Variants in ZRANB1 observed in about 807,000 individuals in gnomAD.
ZRANB1 encodes the protein zinc finger RANBP2-type containing 1, also known as ubiquitin thioesterase ZRANB1.
A neutral mutation model predicts 80.5 loss-of-function variants in ZRANB1; 16 were observed. That is an observed-to-expected ratio of 0.20 (90% CI 0.13 to 0.30). The LOEUF (loss-of-function observed/expected upper bound fraction) is 0.30. ZRANB1 is among the 10% of genes least tolerant of loss of function. The pLI is 1.00. For synonymous variants in ZRANB1, 291 were observed against 293.1 expected (o/e 0.99, Z 0.07); for missense variants, 576 against 862.6 (o/e 0.67, Z 4.16).
rs538883646 is a variant in ZRANB1 at position 124,970,642 on chromosome 10, G to C, written c.1003-1323G>C. Among the ~76,000 whole-genome samples the C allele has an allele frequency of 1.1e-4, 17 of 152,220 alleles. No individual in the cohort carries two copies. In the South Asian group the frequency reaches 3.1e-3, roughly 28 times the overall value. On this transcript the variant is annotated intron_variant, in intron 2 of 8. Coordinates refer to ENST00000359653, the MANE Select transcript of ZRANB1 (RefSeq NM_017580.3). The stretch of plus-strand genomic sequence containing the variant: ...TATTATTTCTTTAATAGCAATAGCA[G>C]TTAGTTGTCTGCATATATGATGTAG...
the ZRANB1 span, among the ~76,000 whole-genome samples, chr10:124,935,789 TC>T: frequency 6.6e-6 from 1 of 152,234 alleles, no homozygotes; most frequent in African/African-American, 2.4e-5. Context: ...AAGGTGCTGG[TC>T]TACCTTCCGT....
At chr10:124,950,018 G>A (rs1045501245) in intron 1 of ZRANB1, among the ~76,000 whole-genome samples, 14 of 152,126 alleles carry the variant, frequency 9.2e-5, no homozygotes, top group African/African-American at 3.4e-4. Context: ...GCATCATGAG[G>A]ATTATAATTC....
the ZRANB1 span, among the ~76,000 whole-genome samples, chr10:124,917,683 C>T: frequency 2.0e-5 from 3 of 152,228 alleles, no homozygotes; most frequent in African/African-American, 7.2e-5. Flanking sequence ...GTTCTGGTGT[C>T]TCCAAACTTG....
At chr10:124,979,080 G>A (rs888465384) in intron 5 of ZRANB1, among the ~76,000 whole-genome samples, 3 of 152,048 alleles carry the variant, frequency 2.0e-5, no homozygotes, top group African/African-American at 7.2e-5. Context: ...GCACATAAAT[G>A]GCCATAACCA....
intron 1 of ZRANB1, among the ~76,000 whole-genome samples, chr10:124,953,233 A>C (rs917720677): frequency 6.6e-6 from 1 of 151,972 alleles, no homozygotes; most frequent in African/African-American, 2.4e-5. Context: ...GCCAACAAAT[A>C]ATACCTTAAT....
At chr10:124,967,653 G>GGCAGAAGGGTAGCCATAGAAGGGTAC (rs1423575967) in intron 2 of ZRANB1, among the ~76,000 whole-genome samples, 1 of 152,126 alleles carries the variant, frequency 6.6e-6, no homozygotes, top group African/African-American at 2.4e-5. Flanking sequence ...CTGCCAGAAG[G>GGCAGAAGGGTAGCCATAGAAGGGTAC]GCAGAAGGGT....
the ZRANB1 span, among the ~76,000 whole-genome samples, chr10:124,929,906 T>C: frequency 1.1e-4 from 16 of 139,360 alleles, no homozygotes; most frequent in African/African-American, 4.4e-4. Flanking sequence ...AGATCTGCCA[T>C]CGCACTCCAG....
At chr10:124,955,467 C>G (rs971583674) in intron 1 of ZRANB1, among the ~76,000 whole-genome samples, 1 of 151,998 alleles carries the variant, frequency 6.6e-6, no homozygotes, top group African/African-American at 2.4e-5. Context: ...GGCCTGCATC[C>G]GTAAAAGGAA....
Position 124,983,121 on chromosome 10 carries a change from C to CA in ZRANB1, c.1549-53dup, listed in dbSNP as rs2133999888. On this transcript the variant is annotated intron_variant, in intron 6 of 8. Coordinates refer to ENST00000359653, the MANE Select transcript of ZRANB1 (RefSeq NM_017580.3). This position sits in a 1 kb window ranked among gnomAD's most constrained non-coding sequence, Gnocchi z 6.2. Reference sequence around the variant, plus strand: ...GGAGGTAGTATTGTTTTTTACACATCAGTTTTCCAGGAGTGGTAATAAATG... The same window carrying CA: ...GGAGGTAGTATTGTTTTTTACACATCAAGTTTTCCAGGAGTGGTAATAAATG... 2 of 1,558,316 alleles carry CA rather than the reference C, an allele frequency of 1.3e-6. No homozygotes were observed. Among genetic ancestry groups the CA allele is most frequent in the South Asian group, 1.2e-5 (1 of 82,354 alleles).
At chr10:124,971,238 C>A (rs1951822856) in intron 2 of ZRANB1, among the ~76,000 whole-genome samples, 1 of 152,164 alleles carries the variant, frequency 6.6e-6, no homozygotes, top group African/African-American at 2.4e-5. Flanking sequence ...TAAATTAAAT[C>A]TTTGCAACAT....
intron 5 of ZRANB1, among the ~76,000 whole-genome samples, chr10:124,978,793 A>ATT (rs35714295): frequency 1.8e-4 from 21 of 115,438 alleles, no homozygotes; most frequent in African/African-American, 6.1e-4. Context: ...TTCCCAGCTA[A>ATT]TTTTTTTTTT....
chr10:124,953,805 A>G (rs1282071650), intron 1 of ZRANB1, among the ~76,000 whole-genome samples: 16 of 152,166 alleles, frequency 1.1e-4, no homozygotes. Flanking sequence ...TTTTGAGATC[A>G]ACATCTGTGA....
At chr10:124,970,852 T>TTTG (rs1429385555) in intron 2 of ZRANB1, among the ~76,000 whole-genome samples, 3 of 147,770 alleles carry the variant, frequency 2.0e-5, no homozygotes, top group Non-Finnish European at 4.5e-5. Flanking sequence ...TTTTTTTTTT[T>TTTG]TTTTTGGCAG....
At chr10:124,953,897 A>G (rs1159273987) in intron 1 of ZRANB1, among the ~76,000 whole-genome samples, 1 of 150,722 alleles carries the variant, frequency 6.6e-6, no homozygotes, top group Non-Finnish European at 1.5e-5. Flanking sequence ...TTGTATGCTG[A>G]TGCCAAACTA....
rs757712727 is a variant in ZRANB1 at position 124,983,598 on chromosome 10, C to T, written c.1818C>T (p.Leu606=). 3.1e-6 allele frequency: 5 copies of T among 1,613,982 alleles called. No homozygotes were observed. The East Asian group carries it at 6.7e-5, about 22-fold the overall frequency. ...GCAACCGAGGTGCTGGTGCTAATCTCAATACCGATGATGATGTCACCATCA... is the reference window on the plus strand; with the variant it reads ...GCAACCGAGGTGCTGGTGCTAATCTTAATACCGATGATGATGTCACCATCA... ...GYGNRGAGAN[L]NTDDDVTITF... The change falls in exon 8 of 9, where the codon CTC becomes CTT. Residue 606 remains leucine, a synonymous_variant. Coordinates refer to ENST00000359653, the MANE Select transcript of ZRANB1 (RefSeq NM_017580.3). The surrounding 1 kb of genome is among the most constrained non-coding windows in gnomAD (Gnocchi z 6.2).
rs567970870 is a variant in ZRANB1 at position 124,942,576 on chromosome 10, G to A, written c.83G>A (p.Arg28His). ...WPSAIKCTMC[R>H]AQRPSGTIIT... Reference sequence around the variant, plus strand: ...TCTGCAATCAAGTGTACTATGTGTCGTGCCCAAAGACCTAGTGGAACAATT... The same window carrying A: ...TCTGCAATCAAGTGTACTATGTGTCATGCCCAAAGACCTAGTGGAACAATT... The change falls in exon 1 of 9, where the codon CGT (arginine) becomes CAT (histidine). Residue 28 changes from arginine (R) to histidine (H), a missense_variant. Physicochemically the swap from Arg to His is conservative, Grantham distance 29. Around this residue, in one of 3 missense-constraint regions of ZRANB1, gnomAD observed 411 missense variants for 583.1 expected, o/e 0.70. Transcript: ENST00000359653. The A allele has an allele frequency of 6.2e-6, 10 of 1,614,124 alleles. No homozygotes were observed. The highest frequency in any genetic ancestry group is 2.2e-5 in the East Asian group (1 of 44,878).
At chr10:124,962,461 C>A in intron 1 of ZRANB1, 1 of 931,298 alleles carries the variant, frequency 1.1e-6, no homozygotes, top group Non-Finnish European at 1.3e-6. Context: ...AGTTAATAAC[C>A]ATTATAATTT....
At chr10:124,928,744 A>G in the ZRANB1 span, among the ~76,000 whole-genome samples, 1 of 152,248 alleles carries the variant, frequency 6.6e-6, no homozygotes, top group East Asian at 1.9e-4. Context: ...AAATGAAGAA[A>G]GAAATGTCAG....
the ZRANB1 span, among the ~76,000 whole-genome samples, chr10:124,924,617 A>AG: frequency 6.6e-6 from 1 of 151,922 alleles, no homozygotes; most frequent in Non-Finnish European, 1.5e-5. Flanking sequence ...AATACTTCCA[A>AG]GGTTTATGTT....
Sources: gnomAD v4.1 joint callset for allele counts (sites outside exome capture counted in the v4.1 genomes callset) on GRCh38, gnomAD v4.1.1 for gene constraint, gnomAD v4.1.1 regional missense constraint, Gnocchi (gnomAD v3.1) non-coding constraint, MANE v1.5 for transcripts, NCBI Gene and HGNC (gene_info 2026-07-23, HGNC 2026-07-21) for gene names.